The following TNIK variants were observed in gnomAD, a reference collection of about 807,000 sequenced individuals.
The protein encoded by TNIK is TRAF2 and NCK interacting kinase.
Under a neutral mutation model 191.3 loss-of-function variants are expected in TNIK, and 49 were observed. The observed-to-expected ratio is 0.26, with a 90% CI of 0.20 to 0.32. The LOEUF (loss-of-function observed/expected upper bound fraction) is 0.32. TNIK is among the 10% of genes least tolerant of loss of function. The pLI is 1.00. For synonymous variants in TNIK, 594 were observed against 600.9 expected (o/e 0.99, Z 0.17); for missense variants, 1,155 against 1,702.3 (o/e 0.68, Z 5.66).
chr3:171,337,888 AG>A (rs1186313599), intron 2 of TNIK, among the ~76,000 whole-genome samples: 1 of 152,228 alleles, frequency 6.6e-6, no homozygotes, highest in Non-Finnish European at 1.5e-5. Flanking sequence ...TCCAATGAGC[AG>A]AAGCCCAAAC....
intron 2 of TNIK, among the ~76,000 whole-genome samples, chr3:171,323,623 A>G (rs545115563): frequency 9.2e-5 from 14 of 152,302 alleles, no homozygotes; most frequent in African/African-American, 2.2e-4. Flanking sequence ...ATGAAAGTAC[A>G]TATCAGGGGA....
chr3:171,367,431 A>G (rs1486905464), intron 2 of TNIK, among the ~76,000 whole-genome samples: 3 of 144,304 alleles, frequency 2.1e-5, no homozygotes, highest in Non-Finnish European at 4.5e-5. Flanking sequence ...AGGGAGTTAT[A>G]ATTCTTTAAG....
At chr3:171,452,951 C>G (rs549362791) in intron 1 of TNIK, among the ~76,000 whole-genome samples, 1 of 152,222 alleles carries the variant, frequency 6.6e-6, no homozygotes, top group African/African-American at 2.4e-5. Flanking sequence ...TTAGCATCCA[C>G]TGGAATTGTA....
At chr3:171,124,497 A>C (rs1321877705) in intron 17 of TNIK, among the ~76,000 whole-genome samples, 1 of 152,228 alleles carries the variant, frequency 6.6e-6, no homozygotes, top group Non-Finnish European at 1.5e-5. Flanking sequence ...TTTTAAAATG[A>C]AATTAAATAT....
intron 2 of TNIK, among the ~76,000 whole-genome samples, chr3:171,350,707 A>G (rs1267245635): frequency 6.6e-6 from 1 of 151,864 alleles, no homozygotes; most frequent in Non-Finnish European, 1.5e-5. Flanking sequence ...TACTCACTGT[A>G]TACCTAAAAT....
Position 171,159,126 on chromosome 3 carries a change from G to A in TNIK, c.1017-1462C>T, listed in dbSNP as rs886097285. 1.4e-4 allele frequency among the ~76,000 whole-genome samples: 22 copies of A among 152,178 alleles called. No individual in the cohort carries two copies. Among genetic ancestry groups the A allele is most frequent in the African/African-American group, 5.3e-4 (22 of 41,446 alleles). On this transcript the variant is annotated intron_variant, in intron 11 of 32. Coordinates refer to ENST00000436636, the MANE Select transcript of TNIK (RefSeq NM_015028.4). This position sits in a 1 kb window ranked among gnomAD's most constrained non-coding sequence, Gnocchi z 4.1. ...ATGGATGACCTAGCGAGGGGTACAG[G>A]GGCAAGCACAGCAAGCCGGACTGCT... is the stretch of plus-strand genomic sequence containing the variant.
intron 2 of TNIK, among the ~76,000 whole-genome samples, chr3:171,337,977 A>G (rs1400656241): frequency 6.6e-6 from 1 of 152,158 alleles, no homozygotes; most frequent in Non-Finnish European, 1.5e-5. Flanking sequence ...GAAGGGAGAG[A>G]AGCTGTTCTA....
chr3:171,174,712 A>C (rs1735758817), intron 9 of TNIK, among the ~76,000 whole-genome samples: 1 of 152,200 alleles, frequency 6.6e-6, no homozygotes. Context: ...TATCAAAAGG[A>C]AAAGTTAAAT....
At chr3:171,195,796 A>C (rs1196633019) in intron 4 of TNIK, among the ~76,000 whole-genome samples, 1 of 152,174 alleles carries the variant, frequency 6.6e-6, no homozygotes, top group Non-Finnish European at 1.5e-5. Flanking sequence ...TTCAAGACCT[A>C]TAAGTGCTTA....
chr3:171,410,989 G>A (rs1037998508), intron 1 of TNIK, among the ~76,000 whole-genome samples: 12 of 152,042 alleles, frequency 7.9e-5, no homozygotes, highest in African/African-American at 2.9e-4. Context: ...ATCACAAACA[G>A]GGCTAATGGC....
chr3:171,129,896 A>G (rs556310715), intron 15 of TNIK, among the ~76,000 whole-genome samples: 52 of 152,340 alleles, frequency 3.4e-4, no homozygotes, highest in South Asian at 1.2e-3. Context: ...CAAGAAGCCT[A>G]TGACTTTTCT....
chr3:171,301,105 C>G (rs1248412522), intron 2 of TNIK, among the ~76,000 whole-genome samples: 1 of 151,686 alleles, frequency 6.6e-6, no homozygotes. Context: ...TAGTGGGTAC[C>G]AGTTTAACCA....
At chr3:171,361,672 TGAA>T (rs1714995831) in intron 2 of TNIK, among the ~76,000 whole-genome samples, 2 of 152,050 alleles carry the variant, frequency 1.3e-5, no homozygotes, top group Admixed American at 6.6e-5. Context: ...AGCCTGAGGA[TGAA>T]GAAGAGAAAT....
chr3:171,411,163 G>C (rs892871640), intron 1 of TNIK, among the ~76,000 whole-genome samples: 1 of 151,960 alleles, frequency 6.6e-6, no homozygotes, highest in African/African-American at 2.4e-5. Flanking sequence ...GAATGCCTGA[G>C]GTCAAGCAAT....
At chr3:171,305,561 A>G (rs998081178) in intron 2 of TNIK, among the ~76,000 whole-genome samples, 3 of 152,228 alleles carry the variant, frequency 2.0e-5, no homozygotes, top group Admixed American at 6.5e-5. Context: ...AAGGACATGA[A>G]AAGACACTTT....
At chr3:171,228,044 A>G in intron 3 of TNIK, 121 bp downstream of exon 3, 1 of 1,119,430 alleles carries the variant, frequency 8.9e-7, no homozygotes, top group Non-Finnish European at 1.3e-6. Context: ...GGTTATGTGT[A>G]TTAAATGCAT....
chr3:171,388,835 A>G (rs1420056693), intron 1 of TNIK, among the ~76,000 whole-genome samples: 2 of 152,156 alleles, frequency 1.3e-5, no homozygotes, highest in East Asian at 3.9e-4. Flanking sequence ...TATTGTAACT[A>G]TGTGTTTAAG....
intron 2 of TNIK, among the ~76,000 whole-genome samples, chr3:171,287,256 T>C (rs1393099909): frequency 1.3e-5 from 2 of 152,226 alleles, no homozygotes; most frequent in Middle Eastern, 3.2e-3. Flanking sequence ...TCATTTTCAT[T>C]GTTAAGAAAA....
chr3:171,089,296 A>G (rs1721752819), intron 23 of TNIK, among the ~76,000 whole-genome samples: 2 of 152,182 alleles, frequency 1.3e-5, no homozygotes, highest in Admixed American at 1.3e-4. Context: ...TTCCTTTTCT[A>G]AATGACATTT....
Sources: allele counts gnomAD v4.1 joint callset (sites outside exome capture counted in the v4.1 genomes callset), GRCh38; gene constraint gnomAD v4.1.1; non-coding constraint Gnocchi (gnomAD v3.1); transcripts MANE v1.5; gene names NCBI Gene and HGNC (gene_info 2026-07-23, HGNC 2026-07-21).